The following PTPRD variants were observed in gnomAD, a reference collection of about 807,000 sequenced individuals.
PTPRD encodes protein tyrosine phosphatase receptor type D.
Under a neutral mutation model 214.5 loss-of-function variants are expected in PTPRD, and 34 were observed. The ratio of observed to expected loss-of-function variants is 0.16; its 90% CI spans 0.12 to 0.21. The LOEUF is 0.21. PTPRD is among the 10% of genes least tolerant of loss of function. The pLI, the probability that PTPRD is intolerant of heterozygous loss-of-function variation, is 1.00. For missense variants in PTPRD, 2,545 were observed against 2,398.7 expected (o/e 1.06, Z -1.27); for synonymous variants, 1,128 against 845.7 (o/e 1.33, Z -5.79).
chr9:10,277,013 A>T (rs1168619712), intron 3 of PTPRD, among the ~76,000 whole-genome samples: 1 of 152,300 alleles, frequency 6.6e-6, no homozygotes, highest in South Asian at 2.1e-4. Flanking sequence ...AAGGCCAGGC[A>T]TAGAAGGAGA....
chr9:8,520,618 C>T (rs568519707), intron 20 of PTPRD, among the ~76,000 whole-genome samples: 23 of 152,064 alleles, frequency 1.5e-4, no homozygotes, highest in East Asian at 3.9e-4. Flanking sequence ...GAAAAAAAAA[C>T]GGTACCCTTA....
intron 10 of PTPRD, among the ~76,000 whole-genome samples, chr9:9,129,229 A>G (rs2099838845): frequency 6.6e-6 from 1 of 152,116 alleles, no homozygotes; most frequent in Non-Finnish European, 1.5e-5. Context: ...ATCTCTACTA[A>G]AAATACCAAA....
chr9:8,543,633 A>C (rs2079057785), intron 14 of PTPRD, among the ~76,000 whole-genome samples: 1 of 152,210 alleles, frequency 6.6e-6, no homozygotes, highest in Non-Finnish European at 1.5e-5. Context: ...ACATGGGCAC[A>C]TGTTGTCATT....
At chr9:8,922,412 T>C (rs983555804) in intron 11 of PTPRD, among the ~76,000 whole-genome samples, 2 of 152,202 alleles carry the variant, frequency 1.3e-5, no homozygotes, top group Admixed American at 6.5e-5. Context: ...AATGAACCAT[T>C]ACTCCATGGT....
chr9:8,968,942 A>C (rs1236364883), intron 11 of PTPRD, among the ~76,000 whole-genome samples: 1 of 152,110 alleles, frequency 6.6e-6, no homozygotes, highest in Non-Finnish European at 1.5e-5. Context: ...AGCTTGGTAG[A>C]GAAAATTTAA....
chr9:10,115,558 T>C (rs933845782), intron 3 of PTPRD, among the ~76,000 whole-genome samples: 3 of 152,150 alleles, frequency 2.0e-5, no homozygotes, highest in African/African-American at 7.2e-5. Flanking sequence ...TCCAGAACTA[T>C]ACTCACTTTC....
chr9:8,916,603 C>G lies in PTPRD; in HGVS notation c.-104+102094G>C, dbSNP rs569294605. 7.2e-5 allele frequency among the ~76,000 whole-genome samples: 11 copies of G among 152,220 alleles called. 1 individual carries two copies. The South Asian group carries it at 2.3e-3, about 32-fold the overall frequency. Reference sequence around the variant, plus strand: ...ATTTAGAGTTGTAGATTATAAAATTCTCAGTGATATAGTTGTAAAATTATC... The same window carrying G: ...ATTTAGAGTTGTAGATTATAAAATTGTCAGTGATATAGTTGTAAAATTATC... On this transcript the variant is annotated intron_variant, in intron 11 of 45. Coordinates refer to ENST00000381196, the MANE Select transcript of PTPRD (RefSeq NM_002839.4).
chr9:8,872,049 T>G (rs1395348927), intron 11 of PTPRD, among the ~76,000 whole-genome samples: 5 of 152,126 alleles, frequency 3.3e-5, no homozygotes, highest in Non-Finnish European at 7.3e-5. Flanking sequence ...CTTTCTCTCA[T>G]AGAACAAACA....
chr9:8,460,198 A>G, intron 33 of PTPRD: 1 of 619,390 alleles, frequency 1.6e-6, no homozygotes, highest in East Asian at 2.9e-5. Flanking sequence ...CATGTTGGAC[A>G]ACAGAAGTCT....
chr9:9,198,610 A>C (rs977532837), intron 9 of PTPRD, among the ~76,000 whole-genome samples: 5 of 152,072 alleles, frequency 3.3e-5, no homozygotes, highest in African/African-American at 1.2e-4. Context: ...GAGATTTGGC[A>C]TTTCAATGTG....
At chr9:9,798,055 G>A (rs1466559150) in intron 5 of PTPRD, among the ~76,000 whole-genome samples, 2 of 152,058 alleles carry the variant, frequency 1.3e-5, no homozygotes, top group African/African-American at 4.8e-5. Flanking sequence ...TCACAGAATA[G>A]CCACCAGGGA....
At chr9:8,795,127 C>T (rs2096371500) in intron 11 of PTPRD, among the ~76,000 whole-genome samples, 1 of 151,950 alleles carries the variant, frequency 6.6e-6, no homozygotes, top group South Asian at 2.1e-4. Flanking sequence ...AATGGGAAAA[C>T]ATTAGTATCA....
chr9:10,503,203 A>AAAAAAAC (rs1555437260), intron 2 of PTPRD, among the ~76,000 whole-genome samples: 13 of 133,914 alleles, frequency 9.7e-5, no homozygotes, highest in East Asian at 6.1e-4. Context: ...CAAAAAAAAA[A>AAAAAAAC]AAAACAAAAA....
chr9:9,736,267 T>C (rs1045909565), intron 6 of PTPRD, among the ~76,000 whole-genome samples: 2 of 152,126 alleles, frequency 1.3e-5, no homozygotes, highest in Non-Finnish European at 2.9e-5. Context: ...TTTTAAACTT[T>C]ATCTACTTGG....
Position 8,338,741 on chromosome 9 carries a change from G to T in PTPRD, c.5379+181C>A, listed in dbSNP as rs550893181. ...CAAACTAAGGTTTGTGAGAAAGCTT[G>T]CCAGACAGAGGAAAAGTTACTCTTA... On this transcript the variant is annotated intron_variant, in intron 43 of 45. Transcript: ENST00000381196. 8.1e-4 allele frequency among the ~76,000 whole-genome samples: 122 copies of T among 151,164 alleles called. 1 individual carries two copies. The highest frequency in any genetic ancestry group is 2.7e-3 in the African/African-American group (112 of 41,094).
intron 2 of PTPRD, among the ~76,000 whole-genome samples, chr9:10,593,373 A>G (rs1457409683): frequency 2.0e-5 from 3 of 152,102 alleles, no homozygotes; most frequent in African/African-American, 7.2e-5. Flanking sequence ...TCACGAGGAC[A>G]TAAAGAAATA....
rs1555566891 is a variant in PTPRD at position 10,082,840 on chromosome 9, A to ACAAACACAC, written c.-544-49051_-544-49050insGTGTGTTTG. On this transcript the variant is annotated intron_variant, in intron 3 of 45. Coordinates refer to ENST00000381196, the MANE Select transcript of PTPRD (RefSeq NM_002839.4). ...ACACACACACACACACACACACACA[A>ACAAACACAC]ACACACACACACACACACACACACC... Among the ~76,000 whole-genome samples, 414 of 128,278 alleles carry ACAAACACAC rather than the reference A, an allele frequency of 3.2e-3. 6 individuals carry two copies. Among genetic ancestry groups the ACAAACACAC allele is most frequent in the Middle Eastern group, 0.016 (4 of 248 alleles). The allele number at this position is 128,278 out of a possible 152,430, so 84.2% of individuals were successfully genotyped here.
Position 10,541,107 on chromosome 9 carries a change from T to A in PTPRD, c.-600+71291A>T, listed in dbSNP as rs577879517. ...CTATTTTCCATATGCTTCCTTTATT[T>A]ATCTGCTTTATGGCATAAAACAGGA... On this transcript the variant is annotated intron_variant, in intron 2 of 45. Transcript: ENST00000381196. Among the ~76,000 whole-genome samples the A allele has an allele frequency of 2.4e-4, 36 of 152,356 alleles. No individual in the cohort carries two copies. The South Asian group carries it at 5.4e-3, about 23-fold the overall frequency.
chr9:8,961,651 G>A (rs979036960), intron 11 of PTPRD, among the ~76,000 whole-genome samples: 3 of 152,098 alleles, frequency 2.0e-5, no homozygotes, highest in African/African-American at 4.8e-5. Context: ...CCCCATAGCT[G>A]AACAGAAGGT....
Sources: gnomAD v4.1 joint callset for allele counts (sites outside exome capture counted in the v4.1 genomes callset) on GRCh38, gnomAD v4.1.1 for gene constraint, MANE v1.5 for transcripts, NCBI Gene and HGNC (gene_info 2026-07-23, HGNC 2026-07-21) for gene names.